The following CECR2 variants were observed in gnomAD, a reference collection of about 807,000 sequenced individuals.
CECR2 encodes chromatin remodeling regulator CECR2.
Under a neutral mutation model 154.5 loss-of-function variants are expected in CECR2, and 30 were observed. That is an observed-to-expected ratio of 0.19 (90% CI 0.15 to 0.26). The LOEUF is 0.26. CECR2 is among the 10% of genes least tolerant of loss of function. The pLI is 1.00. For synonymous variants in CECR2, 725 were observed against 683.7 expected (o/e 1.06, Z -0.94); for missense variants, 1,743 against 1,829.3 (o/e 0.95, Z 0.86).
rs1361762224 is a variant in CECR2, at chr22:17,548,208, A to G, written c.2921A>G (p.Tyr974Cys). 1.3e-6 allele frequency: 2 copies of G among 1,590,148 alleles called. No homozygotes were observed. The highest frequency in any genetic ancestry group is 1.1e-5 in the South Asian group (1 of 87,816). ...GGTGTTGGTACTTCAGAGGGGGTCT[A>G]CCTCACACAACTACCTCACCCCACA... ...PPGVGTSEGV[Y>C]LTQLPHPTPP... The change falls in exon 17 of 19, where the codon TAC becomes TGC. Residue 974 changes from tyrosine (Y) to cysteine (C), a missense_variant. By Grantham distance (194) the Tyr-to-Cys change is radical (BLOSUM62 -2). This residue lies in a region of CECR2 where 1,250 missense variants were observed against 1,192.1 expected (regional missense o/e 1.05). Coordinates refer to ENST00000262608, the MANE Select transcript of CECR2 (RefSeq NM_001290047.2).
chr22:17,365,752 T>C (rs185258157), upstream of CECR2, among the ~76,000 whole-genome samples: 2 of 151,608 alleles, frequency 1.3e-5, no homozygotes, highest in Non-Finnish European at 2.9e-5. Context: ...TGGCCTGTAG[T>C]GCCAGCTATC....
upstream of CECR2, among the ~76,000 whole-genome samples, chr22:17,365,896 T>G (rs1331741502): frequency 6.6e-6 from 1 of 151,828 alleles, no homozygotes; most frequent in East Asian, 1.9e-4. Context: ...TCCCAGATTA[T>G]CCTCCAGGAA....
chr22:17,497,470 C>T lies in CECR2; in HGVS notation c.289C>T (p.Pro97Ser), dbSNP rs759290476. ...NYRWELEEGK[P>S]NPLREASFQD... ...CCGCTGGGAGCTCGAAGAAGGGAAGCCCAACCCTCTGAGGGAAGCCAGTTT... is the reference window on the plus strand; with the variant it reads ...CCGCTGGGAGCTCGAAGAAGGGAAGTCCAACCCTCTGAGGGAAGCCAGTTT... Residue 97 changes from proline (P) to serine (S), a missense_variant, in exon 3 of 19, where the codon CCC (proline) becomes TCC (serine). Physicochemically the swap from Pro to Ser is moderately conservative, Grantham distance 74 (BLOSUM62 -1). Coordinates refer to ENST00000262608, the MANE Select transcript of CECR2 (RefSeq NM_001290047.2). 12 of 1,613,976 alleles carry T rather than the reference C, an allele frequency of 7.4e-6. No individual in the cohort carries two copies. Among genetic ancestry groups the T allele is most frequent in the Non-Finnish European group, 7.6e-6 (9 of 1,179,894 alleles).
rs1433169275 is a variant in CECR2 at position 17,548,275 on chromosome 22, A to G, written c.2988A>G (p.Gln996=). 1.2e-6 allele frequency: 2 copies of G among 1,607,332 alleles called. No individual in the cohort carries two copies. Among genetic ancestry groups the G allele is most frequent in the African/African-American group, 2.7e-5 (2 of 74,640 alleles). Residue 996 remains glutamine (Q), a synonymous_variant, in exon 17 of 19, where the codon CAA becomes CAG. Transcript: ENST00000262608. ...QTDCTRQSSP[Q]ERETVGPELK... ...ACTGCACCAGGCAGAGCTCACCACA[A>G]GAAAGGGAAACAGTGGGCCCGGAGC...
intron 2 of CECR2, among the ~76,000 whole-genome samples, chr22:17,494,058 A>G (rs1270126970): frequency 6.6e-6 from 1 of 152,250 alleles, no homozygotes; most frequent in African/African-American, 2.4e-5. Context: ...TCTGGCTACT[A>G]AAAAAGCAGT....
At chr22:17,399,030 G>A (rs963740818) in intron 1 of CECR2, among the ~76,000 whole-genome samples, 5 of 152,246 alleles carry the variant, frequency 3.3e-5, no homozygotes, top group African/African-American at 4.8e-5. Context: ...CCTTACCCTG[G>A]ATCTGTCTAC....
chr22:17,433,083 T>G (rs957321392), intron 1 of CECR2, among the ~76,000 whole-genome samples: 2 of 152,230 alleles, frequency 1.3e-5, no homozygotes, highest in Non-Finnish European at 2.9e-5. Context: ...CACTGATTTT[T>G]GGGTGGAATC....
At chr22:17,530,399 C>T (rs367813902) in intron 9 of CECR2, among the ~76,000 whole-genome samples, 3 of 151,780 alleles carry the variant, frequency 2.0e-5, no homozygotes, top group African/African-American at 7.3e-5. Flanking sequence ...TAAGGCCAGG[C>T]GCGGTGGCTC....
chr22:17,459,239 T>C (rs1358623969), intron 1 of CECR2, among the ~76,000 whole-genome samples: 1 of 152,202 alleles, frequency 6.6e-6, no homozygotes, highest in Non-Finnish European at 1.5e-5. Context: ...CTAGGGCTTA[T>C]ATTTTAGAAA....
chr22:17,495,915 A>C (rs1310757793), intron 2 of CECR2, among the ~76,000 whole-genome samples: 1 of 150,752 alleles, frequency 6.6e-6, no homozygotes, highest in Admixed American at 6.6e-5. Flanking sequence ...GGTAAGACGC[A>C]CTTATAGTCC....
intron 1 of CECR2, among the ~76,000 whole-genome samples, chr22:17,395,100 C>T (rs1158306571): frequency 3.3e-5 from 5 of 152,182 alleles, no homozygotes; most frequent in South Asian, 2.1e-4. Flanking sequence ...TGTCCCTTGG[C>T]GGTTGACCCC....
In CECR2 at chr22:17,548,613, C is replaced by T. The variant is rs777432282; in HGVS notation, c.3326C>T (p.Thr1109Met). 2.4e-5 allele frequency: 39 copies of T among 1,613,132 alleles called. No individual in the cohort carries two copies. The highest frequency in any genetic ancestry group is 3.0e-5 in the Non-Finnish European group (35 of 1,179,642). ...ATPPSTDPGL[T>M]GGTVSQFPPL... ...CCGCCCAGCACAGACCCCGGTTTGA[C>T]GGGAGGCACTGTGAGCCAGTTTCCC... is the stretch of plus-strand genomic sequence containing the variant. Residue 1109 changes from threonine to methionine, a missense_variant, in exon 17 of 19, where the codon ACG becomes ATG. Coordinates refer to ENST00000262608, the MANE Select transcript of CECR2 (RefSeq NM_001290047.2).
In CECR2 at chr22:17,449,038, C is replaced by T. The variant is rs540664542; in HGVS notation, c.127-28550C>T. On this transcript the variant is annotated intron_variant, in intron 1 of 18. Coordinates refer to ENST00000262608, the MANE Select transcript of CECR2 (RefSeq NM_001290047.2). ...GGACCACAGGCGGCAACTACCATGCCCGGCTAATTTTTGTATTTTTAGTAG... is the reference window on the plus strand; with the variant it reads ...GGACCACAGGCGGCAACTACCATGCTCGGCTAATTTTTGTATTTTTAGTAG... 9.3e-4 allele frequency among the ~76,000 whole-genome samples: 141 copies of T among 151,986 alleles called. 1 individual carries two copies. The highest frequency in any genetic ancestry group is 4.0e-4 in the Non-Finnish European group (27 of 67,982).
chr22:17,369,367 G>C (rs1555898127), upstream of CECR2: 1 of 151,524 alleles, frequency 6.6e-6, no homozygotes, highest in East Asian at 2.0e-4. Flanking sequence ...GGGCGGGGGC[G>C]GGGGTTGTTG....
At chr22:17,438,558 G>A (rs1392237660) in intron 1 of CECR2, among the ~76,000 whole-genome samples, 1 of 152,110 alleles carries the variant, frequency 6.6e-6, no homozygotes, top group African/African-American at 2.4e-5. Flanking sequence ...GCCGCCTGCA[G>A]CCCAGGACGG....
At chr22:17,549,673 T>C in intron 17 of CECR2, 109 bp downstream of exon 17, 7 of 997,552 alleles carry the variant, frequency 7.0e-6, no homozygotes, top group Non-Finnish European at 1.0e-5. Flanking sequence ...AGTGCAGTGG[T>C]GTGATCATGG....
chr22:17,543,960 T>G (rs1362859507), intron 16 of CECR2, among the ~76,000 whole-genome samples: 3 of 152,164 alleles, frequency 2.0e-5, no homozygotes, highest in Non-Finnish European at 4.4e-5. Flanking sequence ...AATGTTAGAT[T>G]ATTTGCTCTC....
chr22:17,432,804 AT>A (rs1452595899), intron 1 of CECR2, among the ~76,000 whole-genome samples: 1 of 151,876 alleles, frequency 6.6e-6, no homozygotes, highest in Non-Finnish European at 1.5e-5. Context: ...GCTAATTTTT[AT>A]TTTTGTATAG....
chr22:17,372,678 TATTA>T (rs1279562579), intron 1 of CECR2, among the ~76,000 whole-genome samples: 1 of 152,060 alleles, frequency 6.6e-6, no homozygotes, highest in African/African-American at 2.4e-5. Context: ...AAAATAAATA[TATTA>T]ATTAATTAAA....
Sources: allele counts gnomAD v4.1 joint callset (sites outside exome capture counted in the v4.1 genomes callset), GRCh38; gene constraint gnomAD v4.1.1; regional missense constraint gnomAD v4.1.1; transcripts MANE v1.5; gene names NCBI Gene and HGNC (gene_info 2026-07-23, HGNC 2026-07-21).